The following PRKCH variants were observed in gnomAD, a reference collection of about 807,000 sequenced individuals.
PRKCH encodes protein kinase C eta.
In PRKCH, 28 loss-of-function variants were observed where a neutral mutation model predicts 82.5. That is an observed-to-expected ratio of 0.34 (90% CI 0.25 to 0.47). The LOEUF is 0.47. PRKCH is among the 20% of genes least tolerant of loss of function. PRKCH has a pLI of 1.00. For synonymous variants in PRKCH, 322 were observed against 327.4 expected (o/e 0.98, Z 0.18); for missense variants, 705 against 881.8 (o/e 0.80, Z 2.54).
chr14:61,376,687 A>T (rs1415675819), intron 1 of PRKCH, among the ~76,000 whole-genome samples: 1 of 149,566 alleles, frequency 6.7e-6, no homozygotes, highest in Non-Finnish European at 1.5e-5. Flanking sequence ...TCTGCCCAGC[A>T]CCTCCAGCCC....
At chr14:61,319,157 ACCTTCCTCAGCTCCAGCCACG>A (rs879579039), upstream of PRKCH, among the ~76,000 whole-genome samples, 3 of 151,838 alleles carry the variant, frequency 2.0e-5, no homozygotes, top group Non-Finnish European at 4.4e-5. Context: ...CTCTCCCCTC[ACCTTCCTCAGCTCCAGCCACG>A]CCTTCCTCAG....
At chr14:61,201,165 C>T (rs190076250) in intron 1 of PRKCH, among the ~76,000 whole-genome samples, 1 of 152,244 alleles carries the variant, frequency 6.6e-6, no homozygotes, top group Non-Finnish European at 1.5e-5. Flanking sequence ...GATTCATTCA[C>T]GTGACCTAAT....
intron 1 of PRKCH, among the ~76,000 whole-genome samples, chr14:61,374,914 A>G (rs1319617518): frequency 6.6e-6 from 1 of 152,054 alleles, no homozygotes. Flanking sequence ...TCCCCAGAAA[A>G]TGGGTTTTTC....
At chr14:61,261,559 A>T (rs1006739908) in intron 1 of PRKCH, among the ~76,000 whole-genome samples, 2 of 152,128 alleles carry the variant, frequency 1.3e-5, no homozygotes, top group Non-Finnish European at 2.9e-5. Context: ...CTTAAATATG[A>T]TTTATTTCGA....
chr14:61,512,403 G>GA (rs1887419310), intron 10 of PRKCH, among the ~76,000 whole-genome samples: 1 of 151,924 alleles, frequency 6.6e-6, no homozygotes, highest in Non-Finnish European at 1.5e-5. Flanking sequence ...GCCTTCTCTG[G>GA]AAAAAATGCA....
intron 12 of PRKCH, chr14:61,543,967 G>A (rs60764762): frequency 0.03 from 4,501 of 152,346 alleles, 87 homozygotes; most frequent in African/African-American, 0.06. Flanking sequence ...ATCACTGGAC[G>A]GGGGTAGTGG....
At chr14:61,324,469 T>A (rs189869379) in intron 1 of PRKCH, among the ~76,000 whole-genome samples, 38 of 152,304 alleles carry the variant, frequency 2.5e-4, no homozygotes, top group African/African-American at 7.7e-4. Context: ...TTGTTTTTTT[T>A]AAAAAGGTTT....
chr14:61,289,128 G>A (rs936394683), intron 1 of PRKCH, among the ~76,000 whole-genome samples: 1 of 152,190 alleles, frequency 6.6e-6, no homozygotes, highest in African/African-American at 2.4e-5. Context: ...AGGTGATACA[G>A]GCATGAGCCA....
intron 1 of PRKCH, among the ~76,000 whole-genome samples, chr14:61,350,391 G>A (rs1221884440): frequency 1.3e-5 from 2 of 152,148 alleles, no homozygotes; most frequent in African/African-American, 2.4e-5. Context: ...ATAGAGAAGA[G>A]AACTGACAGA....
intron 1 of PRKCH, among the ~76,000 whole-genome samples, chr14:61,227,665 T>C (rs2044708091): frequency 6.6e-6 from 1 of 152,148 alleles, no homozygotes; most frequent in African/African-American, 2.4e-5. Context: ...TTTATGTCCA[T>C]GCATAGGAAT....
At chr14:61,433,043 C>CAAAAAAAAAAAAAAAAAAAAAAAA (rs34477992) in intron 2 of PRKCH, among the ~76,000 whole-genome samples, 2 of 110,964 alleles carry the variant, frequency 1.8e-5, no homozygotes, top group African/African-American at 7.4e-5. Context: ...CCAACCTCTT[C>CAAAAAAAAAAAAAAAAAAAAAAAA]AAAAAAAAAA....
intron 7 of PRKCH, among the ~76,000 whole-genome samples, chr14:61,455,794 T>C (rs184819561): frequency 6.6e-6 from 1 of 152,228 alleles, no homozygotes; most frequent in African/African-American, 2.4e-5. Context: ...GCTTATCTTA[T>C]AAATGTCTCA....
Position 61,457,236 on chromosome 14 carries a change from G to A in PRKCH, c.1021G>A (p.Gly341Arg), listed in dbSNP as rs1396095974. 1.1e-5 allele frequency: 18 copies of A among 1,614,100 alleles called. No homozygotes were observed. Among genetic ancestry groups the A allele is most frequent in the Non-Finnish European group, 1.5e-5 (18 of 1,180,046 alleles). ...QGKESSKEGN[G>R]IGVNSSNRLG... is the part of the protein sequence containing the mutation. ...AAAGGAGAGCAGCAAAGAAGGAAAT[G>A]GGATTGGGGTTAATTCTTCCAACCG... Residue 341 changes from glycine (G) to arginine (R), a missense_variant, in exon 8 of 14, where the codon GGG (glycine) becomes AGG (arginine). Transcript: ENST00000332981.
At chr14:61,533,708 G>T (rs1420010527) in intron 12 of PRKCH, among the ~76,000 whole-genome samples, 3 of 152,214 alleles carry the variant, frequency 2.0e-5, no homozygotes, top group Non-Finnish European at 4.4e-5. Context: ...CAACCCACAG[G>T]GCTACTGCGT....
At chr14:61,331,475 C>G (rs1247258131) in intron 1 of PRKCH, among the ~76,000 whole-genome samples, 2 of 152,104 alleles carry the variant, frequency 1.3e-5, no homozygotes, top group South Asian at 4.1e-4. Flanking sequence ...GAGCTATGAT[C>G]GAGCTGCTGC....
intron 1 of PRKCH, among the ~76,000 whole-genome samples, chr14:61,261,260 G>GA (rs962385493): frequency 9.2e-5 from 14 of 152,150 alleles, no homozygotes; most frequent in African/African-American, 3.1e-4. Context: ...AAGGGCAAGG[G>GA]AAAAAAATCA....
chr14:61,289,806 A>C (rs768994600), intron 1 of PRKCH, among the ~76,000 whole-genome samples: 3 of 152,224 alleles, frequency 2.0e-5, no homozygotes, highest in Non-Finnish European at 4.4e-5. Flanking sequence ...ATATTTTGTA[A>C]AATAGAATGG....
intron 2 of PRKCH, among the ~76,000 whole-genome samples, chr14:61,392,979 C>T (rs2046708712): frequency 6.6e-6 from 1 of 151,900 alleles, no homozygotes; most frequent in East Asian, 1.9e-4. Context: ...GTTGTTCTAG[C>T]ACCATTTATT....
chr14:61,277,496 C>T (rs2045214236), intron 1 of PRKCH: 1 of 152,160 alleles, frequency 6.6e-6, no homozygotes, highest in Non-Finnish European at 1.5e-5. Flanking sequence ...TACTGGGCAA[C>T]AAGGGAATTC....
Sources: gnomAD v4.1 joint callset for allele counts (sites outside exome capture counted in the v4.1 genomes callset) on GRCh38, gnomAD v4.1.1 for gene constraint, MANE v1.5 for transcripts, NCBI Gene and HGNC (gene_info 2026-07-23, HGNC 2026-07-21) for gene names.